Variants in PIK3C2A observed in about 807,000 individuals in gnomAD.
PIK3C2A encodes phosphatidylinositol-4-phosphate 3-kinase catalytic subunit type 2 alpha.
A neutral mutation model predicts 204.5 loss-of-function variants in PIK3C2A; 97 were observed. The observed-to-expected ratio is 0.47, with a 90% CI of 0.40 to 0.56. The LOEUF (loss-of-function observed/expected upper bound fraction) is 0.56. PIK3C2A is among the 20% of genes least tolerant of loss of function. The probability of loss-of-function intolerance (pLI) is 0.00; values close to 1 mark genes in which losing one functional copy is unlikely to be tolerated. For missense variants in PIK3C2A, 1,735 were observed against 1,969.2 expected (o/e 0.88, Z 2.25); for synonymous variants, 653 against 664.4 (o/e 0.98, Z 0.26).
chr11:17,121,636 C>G (rs1195806604), intron 15 of PIK3C2A, among the ~76,000 whole-genome samples: 2 of 152,112 alleles, frequency 1.3e-5, no homozygotes, highest in Non-Finnish European at 2.9e-5. Flanking sequence ...CTTATCAACA[C>G]TTTTCACAAG....
chr11:17,131,419 A>ATTTT (rs68020564), intron 12 of PIK3C2A, among the ~76,000 whole-genome samples: 3 of 79,466 alleles, frequency 3.8e-5, no homozygotes, highest in Non-Finnish European at 8.3e-5. Flanking sequence ...AGGGTATTTC[A>ATTTT]TTTTTTTTTT....
chr11:17,161,202 C>G (rs904640024), intron 2 of PIK3C2A, among the ~76,000 whole-genome samples: 1 of 152,180 alleles, frequency 6.6e-6, no homozygotes. Context: ...TGGAACACAA[C>G]ACCAAGTTTT....
chr11:17,116,238 T>G (rs1308080783), intron 19 of PIK3C2A, among the ~76,000 whole-genome samples: 1 of 152,198 alleles, frequency 6.6e-6, no homozygotes, highest in Non-Finnish European at 1.5e-5. Flanking sequence ...ACAAAGGACT[T>G]TGAATAGATA....
chr11:17,126,396 A>C (rs947960028), intron 13 of PIK3C2A, among the ~76,000 whole-genome samples: 28 of 152,184 alleles, frequency 1.8e-4, no homozygotes, highest in African/African-American at 6.8e-4. Flanking sequence ...TCTACAAAAA[A>C]AAAGTTTTTT....
At chr11:17,100,249 C>CGGAG (rs796174072) in intron 25 of PIK3C2A, among the ~76,000 whole-genome samples, 43 of 46,490 alleles carry the variant, frequency 9.2e-4, no homozygotes, top group African/African-American at 3.8e-3. Context: ...TTTTTGGGGG[C>CGGAG]GGGGGGGGGG....
intron 1 of PIK3C2A, among the ~76,000 whole-genome samples, chr11:17,172,767 CCCCTCCACTTCATCATCAATGATTA>C (rs1013486556): frequency 1.3e-5 from 2 of 152,278 alleles, no homozygotes; most frequent in East Asian, 3.9e-4. Context: ...AATGTATTTT[CCCCTCCACTTCATCATCAATGATTA>C]CCCTCCACTT....
At chr11:17,137,972 T>C (rs1187629932) in intron 8 of PIK3C2A, 1 of 543,550 alleles carries the variant, frequency 1.8e-6, no homozygotes, top group African/African-American at 1.9e-5. Flanking sequence ...AAAAGCTTCA[T>C]CTTTTATTTA....
intron 1 of PIK3C2A, among the ~76,000 whole-genome samples, chr11:17,175,368 T>C (rs887605325): frequency 1.3e-5 from 2 of 152,216 alleles, no homozygotes; most frequent in African/African-American, 2.4e-5. Flanking sequence ...TTATCATGCA[T>C]GTATACTAAA....
chr11:17,116,376 A>G (rs982835404), intron 19 of PIK3C2A, among the ~76,000 whole-genome samples: 2 of 152,190 alleles, frequency 1.3e-5, no homozygotes, highest in Non-Finnish European at 2.9e-5. Flanking sequence ...GCCATAATCA[A>G]AAAACAGGAA....
rs776924157 is a variant in PIK3C2A at position 17,101,250 on chromosome 11, T to G, written c.4008+28A>C. The G allele has an allele frequency of 1.5e-5, 19 of 1,283,702 alleles. No individual in the cohort carries two copies. In the South Asian group the frequency reaches 3.3e-4, roughly 22 times the overall value. 79.5% of individuals were successfully genotyped at this position (1,283,702 alleles called of 1,614,324 possible). On this transcript the variant is annotated intron_variant, in intron 25 of 32. Coordinates refer to ENST00000691414, the MANE Select transcript of PIK3C2A (RefSeq NM_002645.4). ...AAACATAGATGCATTAATATAAAAC[T>G]AATTAAGTGCTTATAAAGAATAGTT...
rs569882194 is a variant in PIK3C2A, at chr11:17,178,713, A to ATTTTTTTTTTTTT, written c.-65-8920_-65-8908dup. Among the ~76,000 whole-genome samples, 2 of 9,826 alleles carry ATTTTTTTTTTTTT rather than the reference A, an allele frequency of 2.0e-4. 1 individual carries two copies. 6.4% of individuals were successfully genotyped at this position (9,826 alleles called of 152,430 possible). On this transcript the variant is annotated intron_variant, in intron 1 of 32. Coordinates refer to ENST00000691414, the MANE Select transcript of PIK3C2A (RefSeq NM_002645.4). The stretch of plus-strand genomic sequence containing the variant: ...GCCACCACACCTGGTTGATTTTTGA[A>ATTTTTTTTTTTTT]TTTTTTTTTTTTTTTTTTTTTTTTT...
intron 1 of PIK3C2A, among the ~76,000 whole-genome samples, chr11:17,191,682 G>A (rs962121637): frequency 9.9e-5 from 15 of 152,114 alleles, no homozygotes; most frequent in Admixed American, 7.2e-4. Context: ...GCAAGTTATC[G>A]AAACTTTGGG....
intron 19 of PIK3C2A, among the ~76,000 whole-genome samples, chr11:17,116,883 C>G (rs1430847978): frequency 2.0e-5 from 3 of 152,296 alleles, no homozygotes; most frequent in Non-Finnish European, 4.4e-5. Context: ...GCCACCACGC[C>G]TGGCCAGCAG....
rs567568074 is a variant in PIK3C2A, at chr11:17,206,588, TA to T, written c.-66+1259del. ...CGACACAGTGAGACCCCATGTCAAT[TA>T]AAAAAAAAAAAAAGAGCACCAACCC... On this transcript the variant is annotated intron_variant, in intron 1 of 32. Coordinates refer to ENST00000691414, the MANE Select transcript of PIK3C2A (RefSeq NM_002645.4). Among the ~76,000 whole-genome samples, 1,221 of 136,438 alleles carry T rather than the reference TA, an allele frequency of 8.9e-3. 10 individuals carry two copies. Among genetic ancestry groups the T allele is most frequent in the African/African-American group, 0.019 (715 of 37,190 alleles). 89.5% of individuals were successfully genotyped at this position (136,438 alleles called of 152,430 possible). A position where few individuals can be genotyped will look rare whatever the true frequency, so the allele number is the denominator to read the frequency against.
At chr11:17,184,434 A>C (rs940724111) in intron 1 of PIK3C2A, among the ~76,000 whole-genome samples, 1 of 152,120 alleles carries the variant, frequency 6.6e-6, no homozygotes, top group Non-Finnish European at 1.5e-5. Flanking sequence ...TTTGTGTCTT[A>C]GTTTTTAACA....
chr11:17,171,084 CAGAG>C (rs899186863), intron 1 of PIK3C2A, among the ~76,000 whole-genome samples: 3 of 152,056 alleles, frequency 2.0e-5, no homozygotes, highest in Non-Finnish European at 4.4e-5. Context: ...GCCTGGGCGA[CAGAG>C]AGAGACTCCG....
At position 17,179,450 on chromosome 11, in the gene PIK3C2A, T is replaced by C. The variant is rs560604414; in HGVS notation, c.-65-9644A>G. ...GCACTGGGATTACTGGCAGAAACCATTGTACCTGGCCAACCTACAGCCTTT... is the reference window on the plus strand; with the variant it reads ...GCACTGGGATTACTGGCAGAAACCACTGTACCTGGCCAACCTACAGCCTTT... On this transcript the variant is annotated intron_variant, in intron 1 of 32. Coordinates refer to ENST00000691414, the MANE Select transcript of PIK3C2A (RefSeq NM_002645.4). 4.3e-4 allele frequency among the ~76,000 whole-genome samples: 66 copies of C among 152,146 alleles called. 1 individual carries two copies. The highest frequency in any genetic ancestry group is 3.4e-3 in the Middle Eastern group (1 of 294).
At chr11:17,152,509 TGAGTA>T (rs1850455448) in intron 3 of PIK3C2A, among the ~76,000 whole-genome samples, 1 of 152,192 alleles carries the variant, frequency 6.6e-6, no homozygotes, top group African/African-American at 2.4e-5. Context: ...AACTGCTGAC[TGAGTA>T]AATTATTCAC....
chr11:17,094,812 T>C (rs1848406264), intron 27 of PIK3C2A, among the ~76,000 whole-genome samples: 1 of 152,236 alleles, frequency 6.6e-6, no homozygotes, highest in Non-Finnish European at 1.5e-5. Flanking sequence ...TATAGCTTAA[T>C]TGTTATATGC....
Sources: gnomAD v4.1 joint callset for allele counts (sites outside exome capture counted in the v4.1 genomes callset) on GRCh38, gnomAD v4.1.1 for gene constraint, MANE v1.5 for transcripts, NCBI Gene and HGNC (gene_info 2026-07-23, HGNC 2026-07-21) for gene names.